MAGI2: variants seen among roughly 807,000 people sequenced by gnomAD.
MAGI2 encodes the protein membrane-associated guanylate kinase, WW and PDZ domain-containing protein 2.
Under a neutral mutation model 133.3 loss-of-function variants are expected in MAGI2, and 35 were observed. The observed-to-expected ratio is 0.26, with a 90% CI of 0.20 to 0.35. MAGI2 has a LOEUF of 0.35. Among genes scored for constraint, MAGI2 ranks in the 10% least tolerant of loss-of-function variants. The pLI is 1.00. For missense variants in MAGI2, 1,636 were observed against 1,863.4 expected (o/e 0.88, Z 2.25); for synonymous variants, 729 against 710.6 (o/e 1.03, Z -0.41).
intron 9 of MAGI2, among the ~76,000 whole-genome samples, chr7:78,324,768 C>G (rs1330306250): frequency 1.3e-5 from 2 of 152,092 alleles, no homozygotes; most frequent in Non-Finnish European, 2.9e-5. Flanking sequence ...CGAGACCAGC[C>G]TGGCCAACAT....
intron 1 of MAGI2, among the ~76,000 whole-genome samples, chr7:79,327,188 A>G (rs1585585389): frequency 1.3e-5 from 2 of 152,224 alleles, no homozygotes; most frequent in Middle Eastern, 6.8e-3. Flanking sequence ...AAGAGTATGC[A>G]CGTCAAAAGA....
At chr7:78,602,710 A>G (rs1367546688) in intron 3 of MAGI2, among the ~76,000 whole-genome samples, 1 of 152,228 alleles carries the variant, frequency 6.6e-6, no homozygotes, top group Non-Finnish European at 1.5e-5. Flanking sequence ...GTATGTGATT[A>G]TGTGAAATGG....
At chr7:78,071,466 G>A (rs1235786706) in intron 21 of MAGI2, among the ~76,000 whole-genome samples, 1 of 152,150 alleles carries the variant, frequency 6.6e-6, no homozygotes. Flanking sequence ...GAACCTGGGA[G>A]GTGGAGTCTG....
intron 7 of MAGI2, among the ~76,000 whole-genome samples, chr7:78,360,429 A>G (rs1399007550): frequency 1.3e-5 from 2 of 152,226 alleles, no homozygotes; most frequent in African/African-American, 4.8e-5. Context: ...TAACTTTAGA[A>G]CTTAATCTCA....
chr7:78,690,348 G>A (rs1816825175), intron 2 of MAGI2, among the ~76,000 whole-genome samples: 2 of 152,164 alleles, frequency 1.3e-5, no homozygotes, highest in African/African-American at 4.8e-5. Flanking sequence ...TACCATGTAT[G>A]TTTCACAACA....
At chr7:78,217,956 G>T (rs1788430885) in intron 10 of MAGI2, among the ~76,000 whole-genome samples, 1 of 152,112 alleles carries the variant, frequency 6.6e-6, no homozygotes, top group Non-Finnish European at 1.5e-5. Flanking sequence ...TGACTATAAG[G>T]GGCATCATTT....
At chr7:78,411,116 C>A (rs1178886239) in intron 6 of MAGI2, among the ~76,000 whole-genome samples, 2 of 152,018 alleles carry the variant, frequency 1.3e-5, no homozygotes, top group African/African-American at 4.8e-5. Context: ...CATTGACTCA[C>A]AGGAGACTGA....
intron 1 of MAGI2, among the ~76,000 whole-genome samples, chr7:79,445,772 T>C (rs1388139333): frequency 1.3e-5 from 2 of 152,138 alleles, no homozygotes; most frequent in African/African-American, 4.8e-5. Flanking sequence ...TCCTCAGGGA[T>C]CTAGAACTAG....
chr7:79,032,947 C>T (rs1016430377), intron 1 of MAGI2, among the ~76,000 whole-genome samples: 2 of 151,858 alleles, frequency 1.3e-5, no homozygotes, highest in Admixed American at 6.6e-5. Flanking sequence ...ATTATTTTCC[C>T]GTGATGAAGA....
intron 1 of MAGI2, among the ~76,000 whole-genome samples, chr7:79,135,185 C>A (rs574571132): frequency 1.3e-5 from 2 of 151,134 alleles, no homozygotes; most frequent in Admixed American, 6.6e-5. Context: ...TGGTGGTCAG[C>A]ACAATTTTAG....
intron 2 of MAGI2, among the ~76,000 whole-genome samples, chr7:78,662,313 C>T (rs1291253850): frequency 6.6e-6 from 1 of 152,116 alleles, no homozygotes; most frequent in Non-Finnish European, 1.5e-5. Context: ...TTCCTTTAAA[C>T]TAGTAACTAG....
chr7:78,907,023 T>C (rs111972753), intron 2 of MAGI2, among the ~76,000 whole-genome samples: 7 of 152,182 alleles, frequency 4.6e-5, no homozygotes, highest in African/African-American at 1.7e-4. Flanking sequence ...AATGGGTGTA[T>C]GCATTTGAGA....
At chr7:78,528,124 A>T (rs1021607848) in intron 3 of MAGI2, among the ~76,000 whole-genome samples, 3 of 152,232 alleles carry the variant, frequency 2.0e-5, no homozygotes, top group African/African-American at 7.2e-5. Flanking sequence ...GAGCTTGAGG[A>T]TATGTCTTCG....
intron 1 of MAGI2, among the ~76,000 whole-genome samples, chr7:79,177,708 A>G (rs1826223025): frequency 6.6e-6 from 1 of 152,108 alleles, no homozygotes; most frequent in Non-Finnish European, 1.5e-5. Context: ...ATTGTAGCAC[A>G]TTACTTTACA....
At chr7:78,440,816 G>C (rs1787545684) in intron 6 of MAGI2, among the ~76,000 whole-genome samples, 1 of 152,052 alleles carries the variant, frequency 6.6e-6, no homozygotes, top group Admixed American at 6.5e-5. Flanking sequence ...AGCCAGGCGT[G>C]GTAGTGGGTG....
At chr7:78,732,907 G>A (rs1049084836) in intron 2 of MAGI2, among the ~76,000 whole-genome samples, 2 of 152,154 alleles carry the variant, frequency 1.3e-5, no homozygotes, top group Non-Finnish European at 2.9e-5. Context: ...GCAGAGGATT[G>A]TTGTTGGAGA....
intron 2 of MAGI2, among the ~76,000 whole-genome samples, chr7:78,966,139 T>A (rs1373571624): frequency 6.6e-6 from 1 of 152,092 alleles, no homozygotes; most frequent in Non-Finnish European, 1.5e-5. Flanking sequence ...TAGAAATAAC[T>A]GTTTTACAAA....
At chr7:79,305,237 T>C (rs756878052) in intron 1 of MAGI2, among the ~76,000 whole-genome samples, 33 of 152,204 alleles carry the variant, frequency 2.2e-4, no homozygotes, top group Admixed American at 1.8e-3. Flanking sequence ...AGTTTTTATA[T>C]TGATAGAGCA....
intron 2 of MAGI2, among the ~76,000 whole-genome samples, chr7:79,006,400 G>A (rs1337675989): frequency 6.6e-6 from 1 of 152,158 alleles, no homozygotes; most frequent in African/African-American, 2.4e-5. Flanking sequence ...CTAAGATCTA[G>A]AACCTGAGTT....
Sources: allele counts gnomAD v4.1 joint callset (sites outside exome capture counted in the v4.1 genomes callset), GRCh38; gene constraint gnomAD v4.1.1; transcripts MANE v1.5; gene names NCBI Gene and HGNC (gene_info 2026-07-23, HGNC 2026-07-21).